CATSPERE: variants seen among roughly 807,000 people sequenced by gnomAD.
CATSPERE encodes the protein catsper channel auxiliary subunit epsilon.
In CATSPERE, 93 loss-of-function variants were observed where a neutral mutation model predicts 114.1. The observed-to-expected ratio is 0.81, with a 90% CI of 0.69 to 0.97. The LOEUF (loss-of-function observed/expected upper bound fraction) is 0.97, where lower values mean the gene tolerates loss of function less well. Ranked by LOEUF, CATSPERE falls within the 50% of genes least tolerant of loss-of-function variation. The pLI, the probability that CATSPERE is intolerant of heterozygous loss-of-function variation, is 0.00. For synonymous variants in CATSPERE, 341 were observed against 384.1 expected, an observed-to-expected ratio of 0.89 and a Z score of 1.31; for missense variants, 1,058 against 1,131.6, an observed-to-expected ratio of 0.93 and a Z score of 0.93.
intron 9 of CATSPERE, among the ~76,000 whole-genome samples, chr1:244,559,262 T>C (rs2148525363): frequency 6.6e-6 from 1 of 152,370 alleles, no homozygotes; most frequent in South Asian, 2.1e-4. Context: ...TTAAGAATTG[T>C]TTCCAGCAAC....
rs140542129 is a variant in CATSPERE, at chr1:244,623,058, T to TTTTTTTTATTTATTTATTTA, written c.2648+5375_2648+5376insTTTTATTTATTTATTTATTT. Among the ~76,000 whole-genome samples the TTTTTTTTATTTATTTATTTA allele has an allele frequency of 8.2e-5, 12 of 145,606 alleles. No individual in the cohort carries two copies. In the East Asian group the frequency reaches 1.0e-3, roughly 12 times the overall value. On this transcript the variant is annotated intron_variant, in intron 20 of 21. Transcript: ENST00000366534. ...CATGTATATCAGCCATTTGTCTTAT[T>TTTTTTTTATTTATTTATTTA]TTTATTTATTTATTTATTTATTTAT...
rs61325021 is a variant in CATSPERE at position 244,625,432 on chromosome 1, A to ATTTT, written c.2648+7758_2648+7761dup. Among the ~76,000 whole-genome samples, 18 of 3,988 alleles carry ATTTT rather than the reference A, an allele frequency of 4.5e-3. 7 individuals carry two copies. The highest frequency in any genetic ancestry group is 0.024 in the Admixed American group (4 of 166). The allele number at this position is 3,988 out of a possible 152,430, so 2.6% of individuals were successfully genotyped here. ...TATATATATATATATATATATATAT[A>ATTTT]TTTTTTTTTTTTTTTGAGATGGAGT... On this transcript the variant is annotated intron_variant, in intron 20 of 21. Transcript: ENST00000366534.
intron 5 of CATSPERE, among the ~76,000 whole-genome samples, chr1:244,482,445 G>A (rs78397673): frequency 5.3e-5 from 8 of 151,496 alleles, no homozygotes; most frequent in East Asian, 3.9e-4. Flanking sequence ...TACAAAAAAC[G>A]TTAAAAAGTT....
chr1:244,497,813 A>G (rs1345752359), intron 6 of CATSPERE, among the ~76,000 whole-genome samples: 2 of 152,124 alleles, frequency 1.3e-5, no homozygotes, highest in African/African-American at 4.8e-5. Context: ...AAATAAATAA[A>G]AATTTTAAAA....
Position 244,568,097 on chromosome 1 carries a change from T to C in CATSPERE, c.1508-4233T>C, listed in dbSNP as rs140961869. On this transcript the variant is annotated intron_variant, in intron 10 of 21. Transcript: ENST00000366534. This position sits in a 1 kb window ranked among gnomAD's most constrained non-coding sequence, Gnocchi z 4.4. ...TTAGTTTTCCTTCTAACAGTCAGGCTCCTCTCCTGCAGGTCTGCTGGAGTT... is the reference window on the plus strand; with the variant it reads ...TTAGTTTTCCTTCTAACAGTCAGGCCCCTCTCCTGCAGGTCTGCTGGAGTT... 9.8e-3 allele frequency among the ~76,000 whole-genome samples: 1,491 copies of C among 152,284 alleles called. 26 individuals are homozygous for C. The highest frequency in any genetic ancestry group is 0.033 in the African/African-American group (1,369 of 41,552).
intron 8 of CATSPERE, among the ~76,000 whole-genome samples, chr1:244,522,393 A>G (rs1256156260): frequency 1.3e-5 from 2 of 152,236 alleles, no homozygotes; most frequent in Admixed American, 6.5e-5. Context: ...GAAAGATCCA[A>G]AATTGACACC....
chr1:244,513,189 C>T (rs1268050123), intron 7 of CATSPERE, among the ~76,000 whole-genome samples: 2 of 152,184 alleles, frequency 1.3e-5, no homozygotes, highest in African/African-American at 4.8e-5. Context: ...CTTCAGCCCC[C>T]TTGCAGCACG....
At chr1:244,554,104 G>A (rs1054910075) in intron 9 of CATSPERE, among the ~76,000 whole-genome samples, 1 of 152,132 alleles carries the variant, frequency 6.6e-6, no homozygotes, top group Non-Finnish European at 1.5e-5. Context: ...CCATGTCTTT[G>A]CTATTGTGAA....
chr1:244,610,207 A>G, intron 18 of CATSPERE, 33 bp from the exon 19 acceptor site: 2 of 1,403,162 alleles, frequency 1.4e-6, no homozygotes, highest in Non-Finnish European at 2.0e-6. Context: ...GAAAACTTCT[A>G]CCTACCCACA....
At chr1:244,612,149 G>A (rs1670824355) in intron 19 of CATSPERE, among the ~76,000 whole-genome samples, 1 of 152,176 alleles carries the variant, frequency 6.6e-6, no homozygotes, top group South Asian at 2.1e-4. Context: ...ACCACTGAAA[G>A]GGTGAATTCA....
chr1:244,526,781 C>A (rs1204444367), intron 8 of CATSPERE, among the ~76,000 whole-genome samples: 2 of 151,710 alleles, frequency 1.3e-5, no homozygotes, highest in Non-Finnish European at 2.9e-5. Context: ...CACATAGGTT[C>A]TTTTCTATTT....
chr1:244,504,985 T>C lies in CATSPERE; in HGVS notation c.429+5906T>C, dbSNP rs1406054092. ...TGGCAAACTTGTCTTATCCCTGATT[T>C]ATTTATTTACTTATTCAATCATTTA... On this transcript the variant is annotated intron_variant, in intron 7 of 21. Transcript: ENST00000366534. This position sits in a 1 kb window ranked among gnomAD's most constrained non-coding sequence, Gnocchi z 4.1. 6.6e-6 allele frequency among the ~76,000 whole-genome samples: 1 copy of C among 152,244 alleles called. No individual in the cohort carries two copies. Among genetic ancestry groups the C allele is most frequent in the African/African-American group, 2.4e-5 (1 of 41,464 alleles).
chr1:244,553,729 G>A (rs929870395), intron 9 of CATSPERE, among the ~76,000 whole-genome samples: 5 of 147,164 alleles, frequency 3.4e-5, no homozygotes, highest in Admixed American at 6.8e-5. Flanking sequence ...TTCTTCTATC[G>A]AACTGTATGT....
chr1:244,566,652 C>CTTTTTTTTTTTTTTTTTTTT lies in CATSPERE; in HGVS notation c.1507+5523_1507+5542dup, dbSNP rs59466928. 6.1e-4 allele frequency among the ~76,000 whole-genome samples: 30 copies of CTTTTTTTTTTTTTTTTTTTT among 49,098 alleles called. 9 individuals are homozygous for CTTTTTTTTTTTTTTTTTTTT. Among genetic ancestry groups the CTTTTTTTTTTTTTTTTTTTT allele is most frequent in the Non-Finnish European group, 1.3e-3 (19 of 14,268 alleles). 32.2% of individuals were successfully genotyped at this position (49,098 alleles called of 152,430 possible). ...TCAGAGACTAGGATTGCAACCCCTG[C>CTTTTTTTTTTTTTTTTTTTT]TTTTTTTTTTTTTTTTTTTTTTTTT... On this transcript the variant is annotated intron_variant, in intron 10 of 21. Transcript: ENST00000366534.
intron 10 of CATSPERE, among the ~76,000 whole-genome samples, chr1:244,570,657 A>C (rs1664298809): frequency 6.6e-6 from 1 of 152,250 alleles, no homozygotes; most frequent in African/African-American, 2.4e-5. Flanking sequence ...GATGATTTAT[A>C]AGGTTTGTAG....
chr1:244,508,303 C>CTTT (rs1009692394), intron 7 of CATSPERE, among the ~76,000 whole-genome samples: 2 of 133,206 alleles, frequency 1.5e-5, no homozygotes, highest in African/African-American at 2.7e-5. Context: ...TTTTTCTTTT[C>CTTT]TTTTTTTTTT....
upstream of CATSPERE, among the ~76,000 whole-genome samples, chr1:244,456,381 C>CA (rs1331614200): frequency 1.3e-5 from 2 of 151,906 alleles, no homozygotes; most frequent in Non-Finnish European, 2.9e-5. Context: ...AACTGGCAAA[C>CA]AAAAAATCTT....
intron 2 of CATSPERE, among the ~76,000 whole-genome samples, chr1:244,476,062 T>C (rs1669298631): frequency 1.3e-5 from 2 of 152,176 alleles, no homozygotes; most frequent in Admixed American, 6.5e-5. Context: ...CTCTTCAAGA[T>C]TGGTTACAAC....
intron 8 of CATSPERE, among the ~76,000 whole-genome samples, chr1:244,551,330 C>T (rs947299178): frequency 2.6e-4 from 39 of 152,202 alleles, no homozygotes; most frequent in Non-Finnish European, 4.0e-4. Context: ...ACTGGATTAT[C>T]TCTGCCTTTA....
Sources: allele counts gnomAD v4.1 joint callset (sites outside exome capture counted in the v4.1 genomes callset), GRCh38; gene constraint gnomAD v4.1.1; non-coding constraint Gnocchi (gnomAD v3.1); transcripts MANE v1.5; gene names NCBI Gene and HGNC (gene_info 2026-07-23, HGNC 2026-07-21).